SLC39A10: variants seen among roughly 807,000 people sequenced by gnomAD.
SLC39A10 encodes the protein solute carrier family 39 member 10, also known as zinc transporter ZIP10.
A neutral mutation model predicts 65.1 loss-of-function variants in SLC39A10; 13 were observed. The ratio of observed to expected loss-of-function variants is 0.20; its 90% confidence interval spans 0.13 to 0.32. The LOEUF is 0.32. SLC39A10 is among the 10% of genes least tolerant of loss of function. SLC39A10 has a pLI of 1.00. For synonymous variants in SLC39A10, 321 were observed against 342.2 expected (o/e 0.94, Z 0.68); for missense variants, 831 against 1,018.4 (o/e 0.82, Z 2.50).
chr2:195,677,725 G>T, intron 1 of SLC39A10, among the ~76,000 whole-genome samples: 1 of 147,546 alleles, frequency 6.8e-6, no homozygotes. Flanking sequence ...TTTTGTTGTT[G>T]ATTAACATTT....
At chr2:195,643,620 T>G (rs976202834) in intron 2 of SLC39A10, among the ~76,000 whole-genome samples, 3 of 152,198 alleles carry the variant, frequency 2.0e-5, no homozygotes, top group Non-Finnish European at 4.4e-5. Context: ...TTGAAAGAAG[T>G]GCCAAGCTGC....
At chr2:195,618,638 A>G (rs1045763721) in intron 2 of SLC39A10, among the ~76,000 whole-genome samples, 1 of 152,212 alleles carries the variant, frequency 6.6e-6, no homozygotes, top group African/African-American at 2.4e-5. Context: ...ATAAAAATAA[A>G]CACATTTGCT....
chr2:195,703,659 G>T (rs980288018), intron 3 of SLC39A10, among the ~76,000 whole-genome samples: 6 of 151,994 alleles, frequency 3.9e-5, no homozygotes, highest in African/African-American at 1.4e-4. Flanking sequence ...TTCCACAAAA[G>T]AACTCTTTTT....
intron 2 of SLC39A10, among the ~76,000 whole-genome samples, chr2:195,648,703 G>A (rs374555287): frequency 6.6e-6 from 1 of 152,082 alleles, no homozygotes; most frequent in Non-Finnish European, 1.5e-5. Context: ...AATAAAAATA[G>A]GTTGGATAAT....
rs1445223361 is a variant in SLC39A10 at position 195,734,997 on chromosome 2, A to C, written c.2452A>C (p.Ile818Leu). Residue 818 changes from isoleucine to leucine, a missense_variant, in exon 10 of 10, where the codon ATT becomes CTT. Physicochemically the swap from Ile to Leu is conservative, Grantham distance 5 (BLOSUM62 2). Around this residue, in one of 4 missense-constraint regions of SLC39A10, gnomAD observed 120 missense variants for 203.9 expected, o/e 0.59. Transcript: ENST00000359634. The part of the protein sequence containing the change: ...LLFGFAIMLV[I>L]ALYEDKIVFD... ...CTTTGGATTTGCCATTATGCTGGTG[A>C]TTGCCCTCTATGAAGATAAAATTGT... 1 of 1,613,182 alleles carries C rather than the reference A, an allele frequency of 6.2e-7. No individual in the cohort carries two copies. Among genetic ancestry groups the C allele is most frequent in the South Asian group, 1.1e-5 (1 of 90,828 alleles).
At chr2:195,708,586 A>T (rs1050180340) in intron 4 of SLC39A10, 70 bp from the exon 5 acceptor site, 2 of 1,185,232 alleles carry the variant, frequency 1.7e-6, no homozygotes, top group Non-Finnish European at 2.3e-6. Context: ...GATTATAATT[A>T]TTATAATTTC....
At chr2:195,617,042 T>C (rs1395791300) in intron 2 of SLC39A10, among the ~76,000 whole-genome samples, 1 of 152,212 alleles carries the variant, frequency 6.6e-6, no homozygotes, top group African/African-American at 2.4e-5. Flanking sequence ...ACCAATATTT[T>C]ACATTATGAT....
intron 9 of SLC39A10, among the ~76,000 whole-genome samples, chr2:195,732,686 T>G (rs1277177047): frequency 6.6e-6 from 1 of 152,162 alleles, no homozygotes; most frequent in African/African-American, 2.4e-5. Context: ...TAGAGTAAAA[T>G]AGTCTTACTA....
intron 6 of SLC39A10, among the ~76,000 whole-genome samples, chr2:195,714,602 A>G (rs1691717426): frequency 6.6e-6 from 1 of 152,184 alleles, no homozygotes; most frequent in African/African-American, 2.4e-5. Flanking sequence ...TAGTGTGGAA[A>G]AATCCCTCTT....
chr2:195,649,129 C>T (rs1250790811), intron 2 of SLC39A10, among the ~76,000 whole-genome samples: 3 of 151,724 alleles, frequency 2.0e-5, no homozygotes, highest in East Asian at 1.9e-4. Flanking sequence ...TCTCTAAAGA[C>T]GTGTGCTTGA....
intron 2 of SLC39A10, among the ~76,000 whole-genome samples, chr2:195,647,116 T>G (rs2105710117): frequency 6.6e-6 from 1 of 152,292 alleles, no homozygotes; most frequent in Middle Eastern, 3.4e-3. Context: ...AATTTGTTCA[T>G]TTCGAGGTCA....
At chr2:195,669,527 C>G (rs1456951934) in intron 1 of SLC39A10, among the ~76,000 whole-genome samples, 2 of 152,090 alleles carry the variant, frequency 1.3e-5, no homozygotes, top group Admixed American at 6.5e-5. Flanking sequence ...TTATGTTCAT[C>G]TATATGAAAT....
chr2:195,696,506 T>C (rs940874394), intron 3 of SLC39A10, among the ~76,000 whole-genome samples: 1 of 151,644 alleles, frequency 6.6e-6, no homozygotes, highest in Non-Finnish European at 1.5e-5. Context: ...AATACAAGAG[T>C]AAAAAAATAA....
At chr2:195,675,577 G>A (rs1396886200) in intron 1 of SLC39A10, among the ~76,000 whole-genome samples, 6 of 152,060 alleles carry the variant, frequency 3.9e-5, no homozygotes, top group Non-Finnish European at 7.4e-5. Flanking sequence ...TACTACAGGC[G>A]CCCGTCACCA....
In SLC39A10 at chr2:195,680,037, A is replaced by G. The variant is rs1690240721; in HGVS notation, c.-6A>G. On this transcript the variant is annotated 5_prime_UTR_variant, in exon 2 of 10. Coordinates refer to ENST00000359634, the MANE Select transcript of SLC39A10 (RefSeq NM_020342.3). ...CTCTCTTTAAATCTCTTTAGGAAAA[A>G]TAGAAATGAAGGTACATATGCACAC... 3 of 1,572,960 alleles carry G rather than the reference A, an allele frequency of 1.9e-6. No homozygotes were observed. Among genetic ancestry groups the G allele is most frequent in the African/African-American group, 1.4e-5 (1 of 72,574 alleles).
chr2:195,670,852 T>C (rs1312267223), intron 1 of SLC39A10, among the ~76,000 whole-genome samples: 1 of 152,212 alleles, frequency 6.6e-6, no homozygotes, highest in East Asian at 1.9e-4. Flanking sequence ...TGGATGTGTT[T>C]CTAGAAATTA....
rs1690248091 is a variant in SLC39A10, at chr2:195,680,214, A to G, written c.172A>G (p.Asn58Asp). 6.2e-7 allele frequency: 1 copy of G among 1,613,940 alleles called. No individual in the cohort carries two copies. Among genetic ancestry groups the G allele is most frequent in the Non-Finnish European group, 8.5e-7 (1 of 1,179,970 alleles). The change falls in exon 2 of 10, where the codon AAT (asparagine) becomes GAT (aspartate). Residue 58 changes from asparagine to aspartate, a missense_variant. Around this residue, in one of 4 missense-constraint regions of SLC39A10, gnomAD observed 446 missense variants for 499.2 expected, o/e 0.89. Coordinates refer to ENST00000359634, the MANE Select transcript of SLC39A10 (RefSeq NM_020342.3). ...PSKFSKQAAE[N>D]EKKYYIEKLF... The stretch of plus-strand genomic sequence containing the variant: ...CAAATTTTCAAAGCAAGCTGCTGAA[A>G]ATGAAAAAAAATACTATATTGAAAA...
At chr2:195,711,376 C>A (rs1691596980) in intron 5 of SLC39A10, among the ~76,000 whole-genome samples, 1 of 152,136 alleles carries the variant, frequency 6.6e-6, no homozygotes, top group Admixed American at 6.5e-5. Flanking sequence ...AGAATGGAGT[C>A]ACCAAACCAT....
At chr2:195,634,035 C>A (rs1688649343) in intron 2 of SLC39A10, among the ~76,000 whole-genome samples, 1 of 152,208 alleles carries the variant, frequency 6.6e-6, no homozygotes, top group East Asian at 1.9e-4. Context: ...AATTCAGATT[C>A]AAAATCTTCA....
Sources: allele counts gnomAD v4.1 joint callset (sites outside exome capture counted in the v4.1 genomes callset), GRCh38; gene constraint gnomAD v4.1.1; regional missense constraint gnomAD v4.1.1; transcripts MANE v1.5; gene names NCBI Gene and HGNC (gene_info 2026-07-23, HGNC 2026-07-21).